DAB1: variants seen among roughly 807,000 people sequenced by gnomAD.
DAB1 encodes disabled homolog 1.
DAB1 carries 15 observed loss-of-function variants against 64.6 expected under a neutral mutation model. That is an observed-to-expected ratio of 0.23 (90% CI 0.16 to 0.36). The LOEUF is 0.36. DAB1 is among the 10% of genes least tolerant of loss of function. The pLI, the probability that DAB1 is intolerant of heterozygous loss-of-function variation, is 1.00. For missense variants in DAB1, 596 were observed against 706.7 expected (o/e 0.84, Z 1.78); for synonymous variants, 235 against 251.9 (o/e 0.93, Z 0.64).
chr1:57,783,329 G>A (rs970570526), intron 6 of DAB1, among the ~76,000 whole-genome samples: 1 of 151,890 alleles, frequency 6.6e-6, no homozygotes, highest in Non-Finnish European at 1.5e-5. Context: ...GGCAACTCCT[G>A]AACTCACATG....
intron 3 of DAB1, among the ~76,000 whole-genome samples, chr1:58,349,760 C>T (rs563143487): frequency 3.0e-4 from 46 of 152,264 alleles, no homozygotes; most frequent in African/African-American, 9.1e-4. Flanking sequence ...TTTCCAGCTT[C>T]ATCCATGTCC....
intron 1 of DAB1, among the ~76,000 whole-genome samples, chr1:57,358,379 T>C (rs903646755): frequency 6.6e-6 from 1 of 152,100 alleles, no homozygotes; most frequent in Non-Finnish European, 1.5e-5. Context: ...TTTTGTCAAA[T>C]GCTTTTTGTG....
At chr1:57,958,415 C>T (rs1645441027) in intron 5 of DAB1, among the ~76,000 whole-genome samples, 1 of 152,152 alleles carries the variant, frequency 6.6e-6, no homozygotes, top group Admixed American at 6.5e-5. Flanking sequence ...ATGCCAGGCA[C>T]CACAGTGAAT....
chr1:57,058,311 A>C (rs1277093005), intron 9 of DAB1, among the ~76,000 whole-genome samples: 1 of 152,238 alleles, frequency 6.6e-6, no homozygotes, highest in Admixed American at 6.5e-5. Context: ...TTGAGAACCA[A>C]CACTGTCTTA....
intron 7 of DAB1, among the ~76,000 whole-genome samples, chr1:57,609,897 T>C (rs1419330652): frequency 6.6e-6 from 1 of 152,192 alleles, no homozygotes; most frequent in Non-Finnish European, 1.5e-5. Context: ...CTGTTGTATT[T>C]AAAAAATAAC....
intron 4 of DAB1, among the ~76,000 whole-genome samples, chr1:58,275,731 A>C (rs576236103): frequency 6.6e-6 from 1 of 152,332 alleles, no homozygotes; most frequent in Non-Finnish European, 1.5e-5. Context: ...TTGTGGGAAC[A>C]TAAAATGGTT....
intron 5 of DAB1, among the ~76,000 whole-genome samples, chr1:58,067,146 G>T (rs1648904391): frequency 1.3e-5 from 2 of 152,136 alleles, no homozygotes; most frequent in Non-Finnish European, 2.9e-5. Flanking sequence ...TTACAGCACT[G>T]AATATAATGT....
chr1:57,428,907 G>C (rs1007521434), upstream of DAB1, among the ~76,000 whole-genome samples: 3 of 141,532 alleles, frequency 2.1e-5, no homozygotes, highest in Non-Finnish European at 4.6e-5. Flanking sequence ...TTTTGTTGTT[G>C]TTGTTGTTTG....
chr1:57,375,864 AT>A (rs1489746203), intron 1 of DAB1, among the ~76,000 whole-genome samples: 1 of 152,220 alleles, frequency 6.6e-6, no homozygotes, highest in African/African-American at 2.4e-5. Flanking sequence ...CTGTTTATGC[AT>A]TCCTTCATTC....
At chr1:58,373,583 T>C (rs1644292509) in intron 3 of DAB1, among the ~76,000 whole-genome samples, 1 of 151,976 alleles carries the variant, frequency 6.6e-6, no homozygotes, top group East Asian at 1.9e-4. Flanking sequence ...TGTTGGACAT[T>C]TGGGTTGGTT....
chr1:57,450,494 T>C (rs534309676), intron 7 of DAB1, among the ~76,000 whole-genome samples: 8 of 152,336 alleles, frequency 5.3e-5, no homozygotes, highest in African/African-American at 1.9e-4. Context: ...AACTAGCCTC[T>C]TAAAGAGAGA....
intron 5 of DAB1, among the ~76,000 whole-genome samples, chr1:58,111,081 G>A (rs906986873): frequency 6.6e-6 from 1 of 152,210 alleles, no homozygotes; most frequent in East Asian, 1.9e-4. Context: ...GTGGGTGGAG[G>A]TGTATGTTAT....
intron 7 of DAB1, among the ~76,000 whole-genome samples, chr1:57,606,391 T>TATATATATATATAC (rs1491526140): frequency 7.9e-6 from 1 of 126,432 alleles, no homozygotes; most frequent in African/African-American, 3.0e-5. Flanking sequence ...TATATATATA[T>TATATATATATATAC]ACACATTATA....
intron 3 of DAB1, among the ~76,000 whole-genome samples, chr1:58,357,114 T>C (rs1644119731): frequency 6.6e-6 from 1 of 151,936 alleles, no homozygotes; most frequent in Non-Finnish European, 1.5e-5. Flanking sequence ...AAGCAGGGAA[T>C]GGCCATGACA....
At position 57,917,707 on chromosome 1, in the gene DAB1, T is replaced by C. The variant is rs140372255; in HGVS notation, n.388-33545A>G. On this transcript the variant is annotated intron_variant and non_coding_transcript_variant, in intron 5 of 20. Transcript: ENST00000485760. ...ACTTCCAGGAATCCATTTGCTGTTG[T>C]CCTTAAAGTCTTTAAAGTAAAATGC... Among the ~76,000 whole-genome samples the C allele has an allele frequency of 2.2e-3, 336 of 152,292 alleles. 4 individuals are homozygous for C. The highest frequency in any genetic ancestry group is 7.7e-3 in the African/African-American group (322 of 41,564).
At chr1:57,499,449 G>A (rs1352558074) in intron 7 of DAB1, among the ~76,000 whole-genome samples, 2 of 152,322 alleles carry the variant, frequency 1.3e-5, no homozygotes, top group Middle Eastern at 3.4e-3. Flanking sequence ...ATCGCACAGA[G>A]TGAGAAAATA....
intron 9 of DAB1, among the ~76,000 whole-genome samples, chr1:57,054,833 T>C (rs766942443): frequency 2.0e-5 from 3 of 152,172 alleles, no homozygotes; most frequent in Non-Finnish European, 4.4e-5. Context: ...CTAAAGAACA[T>C]GTCCAGCATT....
At chr1:58,460,237 T>C (rs1350175875) in intron 3 of DAB1, among the ~76,000 whole-genome samples, 1 of 152,134 alleles carries the variant, frequency 6.6e-6, no homozygotes, top group Non-Finnish European at 1.5e-5. Context: ...CCAGAGGGTA[T>C]TAAGATGCCT....
chr1:57,215,893 C>G (rs992827773), intron 2 of DAB1, among the ~76,000 whole-genome samples: 6 of 152,200 alleles, frequency 3.9e-5, no homozygotes, highest in Admixed American at 1.3e-4. Context: ...TGGGGGGACA[C>G]AGCCTCCTCT....
Sources: allele counts gnomAD v4.1 joint callset (sites outside exome capture counted in the v4.1 genomes callset), GRCh38; gene constraint gnomAD v4.1.1; transcripts MANE v1.5; gene names NCBI Gene and HGNC (gene_info 2026-07-23, HGNC 2026-07-21).